Variants in TF observed in about 807,000 individuals in gnomAD.
TF encodes the protein serotransferrin.
Under a neutral mutation model 82.4 loss-of-function variants are expected in TF, and 55 were observed. The observed-to-expected ratio is 0.67, with a 90% CI of 0.54 to 0.84. The LOEUF (loss-of-function observed/expected upper bound fraction) is 0.84, where lower values mean the gene tolerates loss of function less well. Among genes scored for constraint, TF ranks in the 40% least tolerant of loss-of-function variants. The pLI is 0.00. For synonymous variants in TF, 332 were observed against 332.6 expected, an observed-to-expected ratio of 1.00 and a Z score of 0.02; for missense variants, 737 against 868.4, an observed-to-expected ratio of 0.85 and a Z score of 1.90.
At chr3:133,699,806 AGAGG>A in the TF span, 3 of 253,650 alleles carry the variant, frequency 1.2e-5, no homozygotes, top group East Asian at 3.0e-4. Context: ...TATATACAGC[AGAGG>A]AATAAAACCT....
the TF span, chr3:133,692,690 G>C: frequency 6.6e-6 from 1 of 152,190 alleles, no homozygotes; most frequent in South Asian, 2.1e-4. Context: ...AGCATCCCCA[G>C]AGTTCTGCAT....
In TF at chr3:133,785,065, C is replaced by T. The variant is rs1342829670; in HGVS notation, c.*6445C>T. On this transcript the variant is annotated 3_prime_UTR_variant, in exon 17 of 17. Coordinates refer to ENST00000402696, the MANE Select transcript of TF (RefSeq NM_001063.4). The stretch of plus-strand genomic sequence containing the variant: ...TGAGGGGCGCCTCTGCCCGGCCGCC[C>T]CTACTGGGAAGTGAGGAGCCCCTCT... The T allele has an allele frequency of 8.3e-6, 1 of 121,198 alleles. No homozygotes were observed. The highest frequency in any genetic ancestry group is 3.0e-5 in the African/African-American group (1 of 33,870). 7.5% of individuals were successfully genotyped at this position (121,198 alleles called of 1,614,324 possible). A position where few individuals can be genotyped will look rare whatever the true frequency, so the allele number is the denominator to read the frequency against.
chr3:133,723,711 G>C, the TF span, among the ~76,000 whole-genome samples: 1 of 149,072 alleles, frequency 6.7e-6, no homozygotes, highest in Non-Finnish European at 1.5e-5. Flanking sequence ...CAATCTGCAG[G>C]TTAGTTACAT....
chr3:133,682,827 C>T, the TF span, among the ~76,000 whole-genome samples: 1 of 152,148 alleles, frequency 6.6e-6, no homozygotes, highest in Non-Finnish European at 1.5e-5. Flanking sequence ...GCAAGGCAGG[C>T]CAACATTCAA....
At chr3:133,698,151 C>G in the TF span, among the ~76,000 whole-genome samples, 1 of 152,254 alleles carries the variant, frequency 6.6e-6, no homozygotes, top group African/African-American at 2.4e-5. Context: ...ACACTGTGAT[C>G]AAGGCTCTTG....
At chr3:133,675,836 T>C in the TF span, among the ~76,000 whole-genome samples, 1 of 152,194 alleles carries the variant, frequency 6.6e-6, no homozygotes, top group Non-Finnish European at 1.5e-5. Context: ...TGATCAACTT[T>C]CACAGGCTTC....
chr3:133,687,561 C>A, the TF span, among the ~76,000 whole-genome samples: 4 of 152,050 alleles, frequency 2.6e-5, no homozygotes, highest in African/African-American at 7.2e-5. Flanking sequence ...AACCACATAC[C>A]CATTAAACAG....
In TF at chr3:133,753,484, T is replaced by C. The variant is rs1178707862; in HGVS notation, c.217-111T>C. Reference sequence around the variant, plus strand: ...CAGGGCTGTGCGTGGTCTAGTCAAGTTCTGGCCCTGGGTCCGTGGAGTCCT... The same window carrying C: ...CAGGGCTGTGCGTGGTCTAGTCAAGCTCTGGCCCTGGGTCCGTGGAGTCCT... On this transcript the variant is annotated intron_variant, in intron 2 of 16. Transcript: ENST00000402696. The C allele has an allele frequency of 9.8e-6, 9 of 915,296 alleles. No individual in the cohort carries two copies. In the African/African-American group the frequency reaches 1.5e-4, roughly 15 times the overall value. 56.7% of individuals were successfully genotyped at this position (915,296 alleles called of 1,614,324 possible).
chr3:133,685,682 A>G, the TF span, among the ~76,000 whole-genome samples: 2 of 152,032 alleles, frequency 1.3e-5, no homozygotes, highest in Non-Finnish European at 2.9e-5. Flanking sequence ...ACAAACCACT[A>G]CTCAATGAAA....
At chr3:133,703,478 A>G in the TF span, among the ~76,000 whole-genome samples, 1 of 152,200 alleles carries the variant, frequency 6.6e-6, no homozygotes. Context: ...TTCATTTATA[A>G]AAGAGGGGAA....
At chr3:133,772,452 A>G (rs771761910) in intron 14 of TF, among the ~76,000 whole-genome samples, 3 of 152,100 alleles carry the variant, frequency 2.0e-5, no homozygotes, top group Admixed American at 6.5e-5. Context: ...ATTCCAGTCT[A>G]TTTCCCAAGG....
At position 133,775,509 on chromosome 3, in the gene TF, A is replaced by G. The variant is rs1576368244; in HGVS notation, c.1764A>G (p.Lys588=). The G allele has an allele frequency of 6.2e-7, 1 of 1,614,166 alleles. No homozygotes were observed. The change falls in exon 15 of 17, where the codon AAA becomes AAG. Residue 588 remains lysine, a synonymous_variant. Transcript: ENST00000402696. ...TGCTGTGCCTTGATGGTACCAGGAA[A>G]CCTGTGGAGGAGTATGCGAACTGCC... ...YELLCLDGTR[K]PVEEYANCHL...
the TF span, among the ~76,000 whole-genome samples, chr3:133,685,986 G>A: frequency 6.6e-6 from 1 of 152,136 alleles, no homozygotes; most frequent in African/African-American, 2.4e-5. Context: ...CATGGTACTG[G>A]TACCAAAAGA....
intron 12 of TF, among the ~76,000 whole-genome samples, 166 bp from the exon 13 acceptor site, chr3:133,767,863 C>T (rs1934163450): frequency 6.6e-6 from 1 of 152,184 alleles, no homozygotes; most frequent in Non-Finnish European, 1.5e-5. Flanking sequence ...TCAATAGGTT[C>T]CCCTTTAAAG....
chr3:133,700,091 A>G, the TF span: 2 of 155,600 alleles, frequency 1.3e-5, no homozygotes, highest in Non-Finnish European at 2.8e-5. Context: ...GCACACGAGT[A>G]TGGATTCTTA....
At chr3:133,701,047 A>G in the TF span, 1 of 152,556 alleles carries the variant, frequency 6.6e-6, no homozygotes, top group Admixed American at 6.5e-5. Flanking sequence ...TCAGGATCCA[A>G]AAAGAGGTAT....
At chr3:133,708,667 T>A in the TF span, among the ~76,000 whole-genome samples, 1 of 151,248 alleles carries the variant, frequency 6.6e-6, no homozygotes, top group African/African-American at 2.4e-5. Flanking sequence ...CATATATATA[T>A]AATTTATAAT....
In TF at chr3:133,792,941, A is replaced by G. The variant is rs1934876701; in HGVS notation, c.*14321A>G. Reference sequence around the variant, plus strand: ...TTAAAGCACCGATCTGCTCTTTAACAAACATTTGTAAAGGATTATAAAAGG... The same window carrying G: ...TTAAAGCACCGATCTGCTCTTTAACGAACATTTGTAAAGGATTATAAAAGG... On this transcript the variant is annotated 3_prime_UTR_variant, in exon 17 of 17. Coordinates refer to ENST00000402696, the MANE Select transcript of TF (RefSeq NM_001063.4). 6.6e-6 allele frequency: 1 copy of G among 152,226 alleles called. No individual in the cohort carries two copies. The highest frequency in any genetic ancestry group is 2.4e-5 in the African/African-American group (1 of 41,466). The allele number at this position is 152,226 out of a possible 1,614,324, so 9.4% of individuals were successfully genotyped here.
intron 16 of TF, chr3:133,778,140 A>G (rs561173203): frequency 7.8e-4 from 147 of 188,044 alleles, no homozygotes; most frequent in Non-Finnish European, 1.5e-3. Flanking sequence ...TATTTACCTA[A>G]CCTATATCCT....
Sources: gnomAD v4.1 joint callset for allele counts (sites outside exome capture counted in the v4.1 genomes callset) on GRCh38, gnomAD v4.1.1 for gene constraint, MANE v1.5 for transcripts, NCBI Gene and HGNC (gene_info 2026-07-23, HGNC 2026-07-21) for gene names.